The following USP46 variants were observed in gnomAD, a reference collection of about 807,000 sequenced individuals.
USP46 encodes the protein ubiquitin specific peptidase 46, also known as ubiquitin carboxyl-terminal hydrolase 46.
A neutral mutation model predicts 44.4 loss-of-function variants in USP46; 12 were observed. The ratio of observed to expected loss-of-function variants is 0.27; its 90% CI spans 0.17 to 0.44. The LOEUF (loss-of-function observed/expected upper bound fraction) is 0.44, where lower values mean the gene tolerates loss of function less well. USP46 is among the 20% of genes least tolerant of loss of function. The pLI is 1.00. For synonymous variants in USP46, 155 were observed against 161.5 expected (o/e 0.96, Z 0.31); for missense variants, 248 against 444.8 (o/e 0.56, Z 3.98).
chr4:52,613,828 A>G (rs1436060473), intron 4 of USP46, among the ~76,000 whole-genome samples: 7 of 152,168 alleles, frequency 4.6e-5, no homozygotes, highest in African/African-American at 1.7e-4. Context: ...CTATGTGACA[A>G]ATGTCTTACC....
intron 1 of USP46, chr4:52,651,107 A>G (rs892773178): frequency 4.0e-5 from 6 of 151,744 alleles, no homozygotes; most frequent in African/African-American, 1.2e-4. Flanking sequence ...AAAAAAAAAA[A>G]AAGAAAGAAA....
At chr4:52,615,780 A>C (rs1337952539) in intron 4 of USP46, among the ~76,000 whole-genome samples, 3 of 152,216 alleles carry the variant, frequency 2.0e-5, no homozygotes, top group Admixed American at 6.5e-5. Context: ...AATTTTCTAA[A>C]ACTAGGTTAC....
rs1157252582 is a variant in USP46, at chr4:52,632,964, GAAAGAAAGAAAGAAAGAAAGAAAAGA to G, written c.37-1846_37-1821del. On this transcript the variant is annotated intron_variant, in intron 1 of 8. Coordinates refer to ENST00000441222, the MANE Select transcript of USP46 (RefSeq NM_022832.4). ...AGAAAGAAAGAAAGAAAGAAAGAAA[GAAAGAAAGAAAGAAAGAAAGAAAAGA>G]AAAGAAAGAAAGAAAGAAAGAAAGA... 1.2e-3 allele frequency among the ~76,000 whole-genome samples: 88 copies of G among 74,658 alleles called. 3 individuals are homozygous for G. Among genetic ancestry groups the G allele is most frequent in the Middle Eastern group, 0.012 (2 of 170 alleles). 49.0% of individuals were successfully genotyped at this position (74,658 alleles called of 152,430 possible). A position where few individuals can be genotyped will look rare whatever the true frequency, so the allele number is the denominator to read the frequency against.
chr4:52,633,002 GAAAGAAA>G (rs1560406333), intron 1 of USP46, among the ~76,000 whole-genome samples: 3 of 117,026 alleles, frequency 2.6e-5, no homozygotes, highest in African/African-American at 1.1e-4. Context: ...AAGAAAGAAA[GAAAGAAA>G]GAAAGAAAGA....
Position 52,596,981 on chromosome 4 carries a change from T to A in USP46, c.*659A>T, listed in dbSNP as rs1381407979. ...TCTTGACTTTGTCTGCCCTGAGCCT[T>A]CTTAGCCCCTGGAATTGTAATGGCT... On this transcript the variant is annotated 3_prime_UTR_variant, in exon 9 of 9. Coordinates refer to ENST00000441222, the MANE Select transcript of USP46 (RefSeq NM_022832.4). The A allele has an allele frequency of 6.5e-6, 1 of 152,672 alleles. No homozygotes were observed. Among genetic ancestry groups the A allele is most frequent in the Non-Finnish European group, 1.5e-5 (1 of 68,060 alleles). 9.5% of individuals were successfully genotyped at this position (152,672 alleles called of 1,614,324 possible).
At chr4:52,657,414 G>A (rs1046375245) in intron 1 of USP46, among the ~76,000 whole-genome samples, 12 of 152,102 alleles carry the variant, frequency 7.9e-5, no homozygotes, top group African/African-American at 2.9e-4. Flanking sequence ...TTCCTCTAGG[G>A]GCATGCTAGC....
chr4:52,598,023 C>T (rs577005476), intron 8 of USP46, among the ~76,000 whole-genome samples: 1 of 152,204 alleles, frequency 6.6e-6, no homozygotes, highest in African/African-American at 2.4e-5. Flanking sequence ...AGATGGTAAA[C>T]TGATGGGTCC....
In USP46 at chr4:52,597,675, A is replaced by T. The variant is rs752886664; in HGVS notation, c.1066T>A (p.Ser356Thr). The T allele has an allele frequency of 6.3e-7, 1 of 1,599,854 alleles. No individual in the cohort carries two copies. The highest frequency in any genetic ancestry group is 8.5e-7 in the Non-Finnish European group (1 of 1,172,486). Residue 356 changes from serine to threonine, a missense_variant, in exon 9 of 9, where the codon TCT becomes ACT. By Grantham distance (58) the Ser-to-Thr change is moderately conservative. Transcript: ENST00000441222. ...LTSDISKNSESGYILFYQSRE is the reference protein window; with the variant it reads ...LTSDISKNSETGYILFYQSRE ...GACTGATAGAATAAAATATATCCAGATTCTGAATTTTTTGATATATCTGAC... is the reference window on the plus strand; with the variant it reads ...GACTGATAGAATAAAATATATCCAGTTTCTGAATTTTTTGATATATCTGAC...
intron 1 of USP46, among the ~76,000 whole-genome samples, chr4:52,639,765 G>T (rs969237885): frequency 6.6e-6 from 1 of 151,838 alleles, no homozygotes; most frequent in African/African-American, 2.4e-5. Context: ...GGTGCTAACA[G>T]GGTTCACTGC....
At chr4:52,617,451 G>A (rs767049370) in intron 4 of USP46, among the ~76,000 whole-genome samples, 1 of 152,136 alleles carries the variant, frequency 6.6e-6, no homozygotes, top group African/African-American at 2.4e-5. Context: ...AGGAGAAATG[G>A]AACAAATATA....
intron 4 of USP46, among the ~76,000 whole-genome samples, chr4:52,613,653 C>T (rs928278443): frequency 6.7e-6 from 1 of 148,426 alleles, no homozygotes; most frequent in Admixed American, 6.8e-5. Flanking sequence ...ACCCAGGAGG[C>T]GGAGGTTGCA....
chr4:52,600,538 G>A (rs73248660), intron 7 of USP46, among the ~76,000 whole-genome samples: 4 of 152,062 alleles, frequency 2.6e-5, no homozygotes, highest in African/African-American at 9.7e-5. Context: ...TCACATTACA[G>A]AAACTGACCT....
At chr4:52,645,051 C>T (rs1718494882) in intron 1 of USP46, among the ~76,000 whole-genome samples, 1 of 151,264 alleles carries the variant, frequency 6.6e-6, no homozygotes, top group African/African-American at 2.4e-5. Context: ...AGAGGGACTC[C>T]ATCTCAAAAC....
intron 5 of USP46, 138 bp downstream of exon 5, chr4:52,610,403 G>A: frequency 2.7e-6 from 2 of 742,804 alleles, no homozygotes; most frequent in Non-Finnish European, 2.2e-6. Context: ...ATCGCTCTTG[G>A]GAAAGGAGAG....
chr4:52,630,996 C>A, intron 2 of USP46, 68 bp downstream of exon 2: 1 of 1,311,418 alleles, frequency 7.6e-7, no homozygotes, highest in Non-Finnish European at 1.1e-6. Context: ...GATAAAAATG[C>A]ACTTAAAGTG....
intron 4 of USP46, 129 bp from the exon 5 acceptor site, chr4:52,610,746 T>C (rs1442541841): frequency 2.6e-6 from 2 of 775,078 alleles, no homozygotes; most frequent in South Asian, 2.0e-5. Flanking sequence ...TGGACATGTA[T>C]ACTCATTGGC....
At chr4:52,619,943 A>G (rs2109620527) in intron 4 of USP46, among the ~76,000 whole-genome samples, 1 of 152,336 alleles carries the variant, frequency 6.6e-6, no homozygotes, top group East Asian at 1.9e-4. Context: ...CAGGGGGAAG[A>G]AAAGTAGGCT....
intron 4 of USP46, among the ~76,000 whole-genome samples, chr4:52,617,274 T>C (rs1691197309): frequency 6.6e-6 from 1 of 152,216 alleles, no homozygotes; most frequent in South Asian, 2.1e-4. Flanking sequence ...TTAACCTAAA[T>C]GGCCCTTCTC....
intron 1 of USP46, among the ~76,000 whole-genome samples, chr4:52,655,132 A>T (rs1243856634): frequency 6.6e-6 from 1 of 152,204 alleles, no homozygotes; most frequent in East Asian, 1.9e-4. Flanking sequence ...GTATTTTTGA[A>T]ATGTCCTGTT....
Sources: allele counts gnomAD v4.1 joint callset (sites outside exome capture counted in the v4.1 genomes callset), GRCh38; gene constraint gnomAD v4.1.1; transcripts MANE v1.5; gene names NCBI Gene and HGNC (gene_info 2026-07-23, HGNC 2026-07-21).